ADGRL2: variants seen among roughly 807,000 people sequenced by gnomAD.
ADGRL2 encodes the protein calcium-independent alpha-latrotoxin receptor 2.
A neutral mutation model predicts 157.4 loss-of-function variants in ADGRL2; 44 were observed. That is an observed-to-expected ratio of 0.28 (90% confidence interval 0.22 to 0.36). The LOEUF (loss-of-function observed/expected upper bound fraction) is 0.36. ADGRL2 is among the 10% of genes least tolerant of loss of function. The probability of loss-of-function intolerance (pLI) is 1.00; values close to 1 mark genes in which losing one functional copy is unlikely to be tolerated. For missense variants in ADGRL2, 1,510 were observed against 1,768.9 expected, an observed-to-expected ratio of 0.85 and a Z score of 2.63; for synonymous variants, 585 against 624.7, an observed-to-expected ratio of 0.94 and a Z score of 0.95.
chr1:81,691,650 C>G (rs2083336724), intron 3 of ADGRL2, among the ~76,000 whole-genome samples: 1 of 151,660 alleles, frequency 6.6e-6, no homozygotes, highest in Admixed American at 6.6e-5. Context: ...AGGCGTGTGC[C>G]ACTACACTTA....
intron 2 of ADGRL2, among the ~76,000 whole-genome samples, chr1:81,879,575 G>A (rs2093933287): frequency 6.7e-6 from 1 of 149,222 alleles, no homozygotes. Flanking sequence ...GATTTATAAT[G>A]AGAAAGAAAG....
intron 1 of ADGRL2, among the ~76,000 whole-genome samples, chr1:81,425,860 AATTTATTT>A (rs34701013): frequency 6.7e-6 from 1 of 149,610 alleles, no homozygotes; most frequent in Non-Finnish European, 1.5e-5. Flanking sequence ...AGAAAATACA[AATTTATTT>A]ATTTATTTAT....
chr1:81,978,567 G>A (rs1433591019), intron 17 of ADGRL2, among the ~76,000 whole-genome samples: 2 of 151,698 alleles, frequency 1.3e-5, no homozygotes, highest in Admixed American at 6.6e-5. Context: ...AGAAATCATA[G>A]GGCACAGTGG....
chr1:81,568,050 C>T (rs570042442), intron 2 of ADGRL2, among the ~76,000 whole-genome samples: 1 of 151,506 alleles, frequency 6.6e-6, no homozygotes, highest in East Asian at 1.9e-4. Flanking sequence ...CGTTGAAATA[C>T]AATGGCTTCG....
chr1:81,621,883 C>T (rs2081798366), intron 3 of ADGRL2, among the ~76,000 whole-genome samples: 1 of 152,188 alleles, frequency 6.6e-6, no homozygotes, highest in Non-Finnish European at 1.5e-5. Flanking sequence ...AAAGACACAG[C>T]TTGACTCCCT....
intron 3 of ADGRL2, among the ~76,000 whole-genome samples, chr1:81,649,034 T>A (rs1025345612): frequency 6.6e-6 from 1 of 152,134 alleles, no homozygotes; most frequent in African/African-American, 2.4e-5. Flanking sequence ...AGCCAGGAGA[T>A]CATTTTTATT....
intron 3 of ADGRL2, among the ~76,000 whole-genome samples, chr1:81,681,321 T>C (rs893277682): frequency 1.3e-5 from 2 of 152,220 alleles, no homozygotes; most frequent in Non-Finnish European, 2.9e-5. Context: ...GGAGCCTCCA[T>C]GTGAACTGGA....
rs978592750 is a variant in ADGRL2, at chr1:81,987,106, A to G, written c.3637+77A>G. ...ATGATCTTTGCCCTGTTTCTAAAAT[A>G]TTCAAGTTGTCATATATTTATTGTT... On this transcript the variant is annotated intron_variant, in intron 22 of 23. Transcript: ENST00000686636. 7.8e-5 allele frequency: 118 copies of G among 1,511,672 alleles called. 4 individuals are homozygous for G. The highest frequency in any genetic ancestry group is 2.8e-4 in the South Asian group (23 of 81,566). 93.6% of individuals were successfully genotyped at this position (1,511,672 alleles called of 1,614,324 possible).
chr1:81,615,022 ATAAAG>A lies in ADGRL2; in HGVS notation c.-143+34047_-143+34051del, dbSNP rs1216497480. On this transcript the variant is annotated intron_variant, in intron 3 of 24. Transcript: ENST00000370721. ...AGTGAGACCATGTATCAAAAATAAA[ATAAAG>A]TAAAATAAAATAAAAACAGATATCA... Among the ~76,000 whole-genome samples the A allele has an allele frequency of 1.3e-5, 2 of 152,164 alleles. 1 individual carries two copies. Among genetic ancestry groups the A allele is most frequent in the African/African-American group, 4.8e-5 (2 of 41,444 alleles).
chr1:81,472,477 A>C (rs2101874170), intron 2 of ADGRL2, among the ~76,000 whole-genome samples: 1 of 152,264 alleles, frequency 6.6e-6, no homozygotes, highest in Admixed American at 6.5e-5. Flanking sequence ...CTAAAATACA[A>C]AAAATTAGCC....
In ADGRL2 at chr1:81,722,693, A is replaced by C. The variant is rs1557597016; in HGVS notation, c.-143+22885A>C. On this transcript the variant is annotated intron_variant, in intron 1 of 20. Coordinates refer to the ADGRL2 transcript ENST00000359929. ...CAACCTAGGGCACAGGAAATTGCAG[A>C]AGAAAGTATGAGCGAAACGTGAAGA... 5 of 1,115,764 alleles carry C rather than the reference A, an allele frequency of 4.5e-6. No individual in the cohort carries two copies. In the South Asian group the frequency reaches 6.2e-5, roughly 14 times the overall value. The allele number at this position is 1,115,764 out of a possible 1,614,324, so 69.1% of individuals were successfully genotyped here. A position where few individuals can be genotyped will look rare whatever the true frequency, so the allele number is the denominator to read the frequency against.
chr1:81,466,178 T>C (rs1430674598), intron 2 of ADGRL2, among the ~76,000 whole-genome samples: 2 of 152,218 alleles, frequency 1.3e-5, no homozygotes, highest in Non-Finnish European at 2.9e-5. Context: ...AAGCCCACTG[T>C]CAGTGTTGTC....
chr1:81,523,712 C>T (rs1309010735), intron 2 of ADGRL2, among the ~76,000 whole-genome samples: 2 of 152,160 alleles, frequency 1.3e-5, no homozygotes, highest in East Asian at 3.8e-4. Context: ...TTTGGAGAAA[C>T]TAAATCTCTT....
Position 81,306,642 on chromosome 1 carries a change from T to C in ADGRL2, c.-302+133T>C, listed in dbSNP as rs1012405419. ...TGTGATTCCAGGTGCCTCACGCTTT[T>C]GTTACTTAACCATATAGGTACAATT... On this transcript the variant is annotated intron_variant, in intron 1 of 24. Transcript: ENST00000370721. The C allele has an allele frequency of 2.0e-5, 3 of 152,198 alleles. No individual in the cohort carries two copies. In the East Asian group the frequency reaches 5.8e-4, roughly 29 times the overall value. 9.4% of individuals were successfully genotyped at this position (152,198 alleles called of 1,614,324 possible). A position where few individuals can be genotyped will look rare whatever the true frequency, so the allele number is the denominator to read the frequency against.
intron 1 of ADGRL2, among the ~76,000 whole-genome samples, chr1:81,366,128 C>G (rs963617314): frequency 4.6e-5 from 7 of 152,016 alleles, no homozygotes; most frequent in Non-Finnish European, 1.0e-4. Context: ...CTATGAAAAT[C>G]TTTAGAGAGT....
In ADGRL2 at chr1:81,943,294, C is replaced by T. The variant is rs771368684; in HGVS notation, c.735C>T (p.Gly245=). Residue 245 remains glycine, a synonymous_variant, in exon 6 of 24, where the codon GGC becomes GGT. Transcript: ENST00000686636. The surrounding 1 kb of genome is among the most constrained non-coding windows in gnomAD (Gnocchi z 5.6). ...KFDLRTRIKS[G]EAIINYANYH... ...ACTTGAGGACTAGAATTAAGAGTGG[C>T]GAGGCCATAATTAACTATGCCAACT... The T allele has an allele frequency of 1.7e-5, 28 of 1,613,232 alleles. No homozygotes were observed. The highest frequency in any genetic ancestry group is 3.3e-5 in the Admixed American group (2 of 59,910).
intron 2 of ADGRL2, among the ~76,000 whole-genome samples, chr1:81,545,917 C>T (rs1230570337): frequency 1.3e-5 from 2 of 152,282 alleles, no homozygotes; most frequent in East Asian, 3.9e-4. Context: ...ACCATCACTA[C>T]ATGATGGTCT....
chr1:81,376,073 C>T (rs1465299456), intron 1 of ADGRL2, among the ~76,000 whole-genome samples: 1 of 152,218 alleles, frequency 6.6e-6, no homozygotes, highest in African/African-American at 2.4e-5. Context: ...CCACTCCTGG[C>T]ATGGGCGCTG....
At chr1:81,723,451 T>G (rs534200359) in intron 1 of ADGRL2, among the ~76,000 whole-genome samples, 2 of 152,348 alleles carry the variant, frequency 1.3e-5, no homozygotes, top group African/African-American at 4.8e-5. Context: ...CTGTTAATTC[T>G]TATATTTTTC....
Sources: allele counts gnomAD v4.1 joint callset (sites outside exome capture counted in the v4.1 genomes callset), GRCh38; gene constraint gnomAD v4.1.1; non-coding constraint Gnocchi (gnomAD v3.1); transcripts MANE v1.5; gene names NCBI Gene and HGNC (gene_info 2026-07-23, HGNC 2026-07-21).